Variants in UGT1A10 observed in about 807,000 individuals in gnomAD.
UGT1A10 encodes UDP glucuronosyltransferase family 1 member A10.
UGT1A10 carries 49 observed loss-of-function variants against 45.8 expected under a neutral mutation model. The observed-to-expected ratio is 1.07, with a 90% CI of 0.85 to 1.36. UGT1A10 has a LOEUF of 1.36. UGT1A10 is among the 40% of genes most tolerant of loss of function. The pLI is 0.00. For synonymous variants in UGT1A10, 284 were observed against 249.7 expected (o/e 1.14, Z -1.29); for missense variants, 745 against 668.6 (o/e 1.11, Z -1.26).
chr2:233,740,508 G>A (rs529004725), intron 1 of UGT1A10, among the ~76,000 whole-genome samples: 1 of 152,040 alleles, frequency 6.6e-6, no homozygotes, highest in East Asian at 1.9e-4. Flanking sequence ...AGTGTGTGAT[G>A]TAAGCTGAAC....
chr2:233,690,652 C>T (rs1304778494), intron 1 of UGT1A10: 3 of 1,283,146 alleles, frequency 2.3e-6, no homozygotes, highest in Admixed American at 4.7e-5. Flanking sequence ...TTGACTCCTA[C>T]AGCACCAACC....
chr2:233,701,793 C>A (rs532653628), intron 1 of UGT1A10, among the ~76,000 whole-genome samples: 26 of 152,232 alleles, frequency 1.7e-4, no homozygotes, highest in African/African-American at 6.0e-4. Context: ...TCTTTGAAAT[C>A]AACGAGAACA....
intron 1 of UGT1A10, among the ~76,000 whole-genome samples, chr2:233,707,415 G>A (rs183543704): frequency 6.4e-4 from 97 of 151,948 alleles, no homozygotes; most frequent in East Asian, 3.1e-3. Context: ...TCTCTCCCTC[G>A]ACTATTTCTT....
At chr2:233,665,468 A>C (rs2074056035) in intron 1 of UGT1A10, among the ~76,000 whole-genome samples, 1 of 152,218 alleles carries the variant, frequency 6.6e-6, no homozygotes, top group African/African-American at 2.4e-5. Context: ...GGCTGTGGCA[A>C]AGTAGTGCCT....
At chr2:233,713,798 C>T in intron 1 of UGT1A10, 1 of 1,614,086 alleles carries the variant, frequency 6.2e-7, no homozygotes, top group Non-Finnish European at 8.5e-7. Flanking sequence ...CCAGGCCGAT[C>T]ATGCCCAACA....
intron 1 of UGT1A10, among the ~76,000 whole-genome samples, chr2:233,640,732 A>C (rs1039660156): frequency 2.0e-5 from 3 of 152,112 alleles, no homozygotes; most frequent in South Asian, 2.1e-4. Context: ...GGTCCATGTA[A>C]CCTCCTGATA....
At chr2:233,683,614 CTGTTT>C (rs1257566259) in intron 1 of UGT1A10, among the ~76,000 whole-genome samples, 11 of 152,068 alleles carry the variant, frequency 7.2e-5, no homozygotes, top group African/African-American at 2.7e-4. Context: ...TATTCGGATT[CTGTTT>C]TATTTCCATA....
chr2:233,650,176 G>T (rs1160277870), intron 1 of UGT1A10, among the ~76,000 whole-genome samples: 2 of 152,062 alleles, frequency 1.3e-5, no homozygotes, highest in East Asian at 3.9e-4. Flanking sequence ...CTCCATGTTG[G>T]TCAGGCTGGT....
intron 1 of UGT1A10, among the ~76,000 whole-genome samples, chr2:233,717,375 A>C (rs1330079040): frequency 6.6e-6 from 1 of 152,208 alleles, no homozygotes; most frequent in African/African-American, 2.4e-5. Context: ...AAGCCCTTAC[A>C]GACCTGCCCT....
At chr2:233,705,093 GC>G (rs1278333462) in intron 1 of UGT1A10, among the ~76,000 whole-genome samples, 27 of 151,684 alleles carry the variant, frequency 1.8e-4, no homozygotes, top group Non-Finnish European at 3.8e-4. Context: ...CCAAGATCGT[GC>G]CATTGCACGC....
chr2:233,738,197 T>A (rs1427013274), intron 1 of UGT1A10, among the ~76,000 whole-genome samples: 18 of 152,174 alleles, frequency 1.2e-4, no homozygotes, highest in Admixed American at 1.2e-3. Flanking sequence ...TGCCTCTCTC[T>A]CACTTTCTGC....
chr2:233,700,898 G>C (rs534436227), intron 1 of UGT1A10, among the ~76,000 whole-genome samples: 31 of 151,956 alleles, frequency 2.0e-4, no homozygotes, highest in Middle Eastern at 3.4e-3. Context: ...ACAGTCCCCG[G>C]TGTGTGACGT....
Position 233,766,627 on chromosome 2 carries a change from T to G in UGT1A10, c.856-407T>G, listed in dbSNP as rs28900401. On this transcript the variant is annotated intron_variant, in intron 1 of 4. Transcript: ENST00000344644. ...CACCCTCTTCTACCCAGCACTTCCC[T>G]TCCCTACTTCCATATCATTTAAAGG... 9.6e-3 allele frequency among the ~76,000 whole-genome samples: 1,465 copies of G among 152,310 alleles called. 33 individuals are homozygous for G. The highest frequency in any genetic ancestry group is 0.033 in the African/African-American group (1,374 of 41,578).
chr2:233,710,037 T>C (rs1170138686), intron 1 of UGT1A10, among the ~76,000 whole-genome samples: 1 of 152,272 alleles, frequency 6.6e-6, no homozygotes, highest in Non-Finnish European at 1.5e-5. Context: ...CTGTTTTGTG[T>C]CTGGCCTCTT....
intron 1 of UGT1A10, chr2:233,671,764 T>G: frequency 7.5e-7 from 1 of 1,337,662 alleles, no homozygotes; most frequent in Non-Finnish European, 9.8e-7. Flanking sequence ...CAAAAGCTAC[T>G]CATATATTCT....
rs747736341 is a variant in UGT1A10 at position 233,636,853 on chromosome 2, A to C, written c.331A>C (p.Ser111Arg). 3.7e-6 allele frequency: 6 copies of C among 1,614,146 alleles called. No individual in the cohort carries two copies. Among genetic ancestry groups the C allele is most frequent in the Non-Finnish European group, 4.2e-6 (5 of 1,180,038 alleles). The change falls in exon 1 of 5, where the codon AGT becomes CGT. Residue 111 changes from serine to arginine, a missense_variant. Transcript: ENST00000344644. ...QAQSIFSLLM[S>R]SSSGFLDLFF... ...ACAAAGTATATTTTCTCTATTAATGAGTTCATCCAGTGGTTTTCTTGACTT... is the reference window on the plus strand; with the variant it reads ...ACAAAGTATATTTTCTCTATTAATGCGTTCATCCAGTGGTTTTCTTGACTT...
intron 1 of UGT1A10, chr2:233,760,452 T>A (rs1697451536): frequency 6.2e-7 from 1 of 1,614,194 alleles, no homozygotes; most frequent in Non-Finnish European, 8.5e-7. Flanking sequence ...AGAGGGGACA[T>A]GAAATAGTTG....
chr2:233,725,249 GGAGGCAGAGGCAGAGGAGGCA>G (rs1559370474), intron 1 of UGT1A10, among the ~76,000 whole-genome samples: 14 of 48,542 alleles, frequency 2.9e-4, no homozygotes, highest in Middle Eastern at 0.01. Context: ...CAGAGGCAGA[GGAGGCAGAGGCAGAGGAGGCA>G]GAGGCAGAGG....
At position 233,772,325 on chromosome 2, in the gene UGT1A10, C is replaced by CGTGTT; in HGVS notation, c.1359_1360insGTGTT (p.Leu454ValfsTer11). The CGTGTT allele has an allele frequency of 6.2e-7, 1 of 1,614,136 alleles. No individual in the cohort carries two copies. Among genetic ancestry groups the CGTGTT allele is most frequent in the Non-Finnish European group, 8.5e-7 (1 of 1,180,020 alleles). ...AGGACCGCCCGGTGGAGCCGCTGGA[C>CGTGTT]CTGGCCGTGTTCTGGGTGGAGTTTG... On this transcript the variant is annotated frameshift_variant, in exon 5 of 5. Transcript: ENST00000344644. LOFTEE classifies it high-confidence loss of function.
Sources: allele counts gnomAD v4.1 joint callset (sites outside exome capture counted in the v4.1 genomes callset), GRCh38; gene constraint gnomAD v4.1.1; transcripts MANE v1.5; gene names NCBI Gene and HGNC (gene_info 2026-07-23, HGNC 2026-07-21).